The following NAV1 variants were observed in gnomAD, a reference collection of about 807,000 sequenced individuals.
NAV1 encodes the protein neuron navigator 1.
NAV1 carries 18 observed loss-of-function variants against 175.2 expected under a neutral mutation model. The observed-to-expected ratio is 0.10, with a 90% CI of 0.07 to 0.15. The LOEUF is 0.15. Ranked by LOEUF, NAV1 falls within the 10% of genes least tolerant of loss-of-function variation. The pLI, the probability that NAV1 is intolerant of heterozygous loss-of-function variation, is 1.00. For synonymous variants in NAV1, 897 were observed against 978.7 expected, an observed-to-expected ratio of 0.92 and a Z score of 1.56; for missense variants, 1,731 against 2,436.6, an observed-to-expected ratio of 0.71 and a Z score of 6.10.
At chr1:201,683,771 T>C (rs1670559702) in intron 1 of NAV1, among the ~76,000 whole-genome samples, 1 of 152,190 alleles carries the variant, frequency 6.6e-6, no homozygotes, top group African/African-American at 2.4e-5. Flanking sequence ...CTCCACGGAG[T>C]GTTACTGTCC....
In NAV1 at chr1:201,605,873, G is replaced by A. The variant is rs574415704; in HGVS notation, c.-32-16980G>A. ...AGCACTGTGGGGGGGTGTGAGCCCCGTGAGATCCCTGCTCTGTCCATCTCC... is the reference window on the plus strand; with the variant it reads ...AGCACTGTGGGGGGGTGTGAGCCCCATGAGATCCCTGCTCTGTCCATCTCC... On this transcript the variant is annotated intron_variant, in intron 2 of 33. Transcript: ENST00000685211. Among the ~76,000 whole-genome samples the A allele has an allele frequency of 1.8e-3, 271 of 152,280 alleles. 1 individual carries two copies. The highest frequency in any genetic ancestry group is 6.1e-3 in the African/African-American group (252 of 41,554).
intron 24 of NAV1, 32 bp from the exon 29 acceptor site, chr1:201,811,571 A>C (rs756229416): frequency 2.5e-6 from 4 of 1,613,816 alleles, no homozygotes; most frequent in Non-Finnish European, 3.4e-6. Flanking sequence ...GCTTATTCCC[A>C]AGTGCTGACC....
chr1:201,819,114 A>G (rs1291403573), intron 29 of NAV1, among the ~76,000 whole-genome samples: 1 of 152,204 alleles, frequency 6.6e-6, no homozygotes, highest in Non-Finnish European at 1.5e-5. Context: ...TAGGTTCATA[A>G]TAATACAGTG....
At chr1:201,640,386 T>C (rs2102311963) in intron 2 of NAV1, among the ~76,000 whole-genome samples, 1 of 152,282 alleles carries the variant, frequency 6.6e-6, no homozygotes, top group Non-Finnish European at 1.5e-5. Context: ...AGAGCATCCA[T>C]ATTGGACCAC....
chr1:201,790,111 A>G (rs1040972936), intron 11 of NAV1, among the ~76,000 whole-genome samples: 2 of 152,162 alleles, frequency 1.3e-5, no homozygotes, highest in Admixed American at 1.3e-4. Flanking sequence ...AGCTTTTATG[A>G]AGGTGAGATG....
At chr1:201,602,667 G>GTTTTTTTT (rs374267102) in intron 2 of NAV1, among the ~76,000 whole-genome samples, 1 of 120,680 alleles carries the variant, frequency 8.3e-6, no homozygotes, top group African/African-American at 2.9e-5. Flanking sequence ...TTTTTTTTTG[G>GTTTTTTTT]TTTTTTTTTT....
chr1:201,660,791 C>G (rs143299185), intron 1 of NAV1, among the ~76,000 whole-genome samples: 2 of 152,310 alleles, frequency 1.3e-5, no homozygotes, highest in African/African-American at 2.4e-5. Flanking sequence ...TTTGACAACC[C>G]TCACAGGTTT....
At chr1:201,611,180 T>C (rs769273839) in intron 2 of NAV1, among the ~76,000 whole-genome samples, 6 of 152,214 alleles carry the variant, frequency 3.9e-5, no homozygotes, top group Middle Eastern at 3.2e-3. Flanking sequence ...CCCATCCTTG[T>C]CTTTCTCTTG....
At chr1:201,818,872 A>G (rs1448995281) in intron 29 of NAV1, among the ~76,000 whole-genome samples, 1 of 152,244 alleles carries the variant, frequency 6.6e-6, no homozygotes, top group East Asian at 1.9e-4. Flanking sequence ...TGTTAAAAAC[A>G]GATGCTATCT....
chr1:201,650,751 A>G (rs2102335767), intron 1 of NAV1, among the ~76,000 whole-genome samples: 1 of 152,268 alleles, frequency 6.6e-6, no homozygotes, highest in East Asian at 1.9e-4. Context: ...CCTTTGGAGA[A>G]CCGATCCTTA....
At chr1:201,744,396 C>G (rs1673639968) in intron 3 of NAV1, among the ~76,000 whole-genome samples, 1 of 151,778 alleles carries the variant, frequency 6.6e-6, no homozygotes, top group South Asian at 2.1e-4. Context: ...AGATGCCAGG[C>G]AAAGTTCTGG....
chr1:201,544,037 G>A (rs991960660), intron 1 of NAV1, among the ~76,000 whole-genome samples: 1 of 152,242 alleles, frequency 6.6e-6, no homozygotes, highest in Admixed American at 6.5e-5. Context: ...GTCATCCTGA[G>A]ACTCAGAGGG....
intron 3 of NAV1, among the ~76,000 whole-genome samples, chr1:201,770,035 A>G (rs1471348695): frequency 3.9e-5 from 6 of 152,222 alleles, no homozygotes; most frequent in Non-Finnish European, 8.8e-5. Flanking sequence ...CCAGTTAGTT[A>G]GCCCACACCC....
At chr1:201,761,059 C>A (rs1045316576) in intron 3 of NAV1, among the ~76,000 whole-genome samples, 1 of 152,146 alleles carries the variant, frequency 6.6e-6, no homozygotes, top group Admixed American at 6.5e-5. Flanking sequence ...AGCAGAAAAG[C>A]TTGCTTTTGC....
Position 201,658,342 on chromosome 1 carries a change from G to A in NAV1, c.757+8917G>A, listed in dbSNP as rs371571209. On this transcript the variant is annotated intron_variant, in intron 1 of 29. Coordinates refer to ENST00000367296, the Ensembl canonical transcript of NAV1. ...AAGAAGCCAGAAAGGGCAACTGAGGGCTCGGCCAGCTGGAATTGGCATCAG... is the reference window on the plus strand; with the variant it reads ...AAGAAGCCAGAAAGGGCAACTGAGGACTCGGCCAGCTGGAATTGGCATCAG... 4.6e-5 allele frequency among the ~76,000 whole-genome samples: 7 copies of A among 150,960 alleles called. No individual in the cohort carries two copies. The South Asian group carries it at 1.5e-3, about 31-fold the overall frequency.
intron 3 of NAV1, among the ~76,000 whole-genome samples, chr1:201,738,771 C>T (rs1277933428): frequency 6.6e-6 from 1 of 152,176 alleles, no homozygotes; most frequent in Non-Finnish European, 1.5e-5. Context: ...GAGACTACTG[C>T]TCTGTGGTCC....
In NAV1 at chr1:201,544,617, AT is replaced by A. The variant is rs1258379097; in HGVS notation, c.-144+5277del. ...ACAGCTCTGTCTCTCAGAGTTCCTC[AT>A]TGTATTAATCTGTCAGGGATATGAC... is the stretch of plus-strand genomic sequence containing the variant. On this transcript the variant is annotated intron_variant, in intron 1 of 33. Transcript: ENST00000685211. Among the ~76,000 whole-genome samples, 3 of 152,156 alleles carry A rather than the reference AT, an allele frequency of 2.0e-5. No homozygotes were observed. In the East Asian group the frequency reaches 5.8e-4, roughly 29 times the overall value.
chr1:201,577,129 G>A (rs1288072008), intron 1 of NAV1, among the ~76,000 whole-genome samples: 1 of 152,138 alleles, frequency 6.6e-6, no homozygotes, highest in African/African-American at 2.4e-5. Flanking sequence ...TGGGATTACA[G>A]GAGTGAACCA....
At chr1:201,794,122 C>T in intron 14 of NAV1, 2 of 681,634 alleles carry the variant, frequency 2.9e-6, no homozygotes, top group East Asian at 2.8e-5. Flanking sequence ...ATCATAAGGG[C>T]TCAGGGCTCC....
Sources: gnomAD v4.1 joint callset for allele counts (sites outside exome capture counted in the v4.1 genomes callset) on GRCh38, gnomAD v4.1.1 for gene constraint, MANE v1.5 for transcripts, NCBI Gene and HGNC (gene_info 2026-07-23, HGNC 2026-07-21) for gene names.